Variants in ST6GAL1 observed in about 807,000 individuals in gnomAD.
The protein encoded by ST6GAL1 is ST6 beta-galactoside alpha-2,6-sialyltransferase 1, also known as beta-galactoside alpha-2,6-sialyltransferase 1.
Under a neutral mutation model 38.0 loss-of-function variants are expected in ST6GAL1, and 20 were observed. The observed-to-expected ratio is 0.53, with a 90% CI of 0.37 to 0.77. The LOEUF is 0.77. Ranked by LOEUF, ST6GAL1 falls within the 30% of genes least tolerant of loss-of-function variation. ST6GAL1 has a pLI of 0.00. For missense variants in ST6GAL1, 432 were observed against 496.4 expected, an observed-to-expected ratio of 0.87 and a Z score of 1.23; for synonymous variants, 196 against 188.2, an observed-to-expected ratio of 1.04 and a Z score of -0.34.
At chr3:187,067,633 C>G (rs144126801) in intron 5 of ST6GAL1, among the ~76,000 whole-genome samples, 1 of 152,210 alleles carries the variant, frequency 6.6e-6, no homozygotes, top group East Asian at 1.9e-4. Context: ...TCTCAAGTAG[C>G]TCAAGTGAAT....
intron 2 of ST6GAL1, among the ~76,000 whole-genome samples, chr3:187,029,316 T>C (rs947511908): frequency 6.6e-6 from 1 of 151,954 alleles, no homozygotes; most frequent in Admixed American, 6.6e-5. Context: ...AACAAAGGGG[T>C]GAGGTTTTCT....
intron 2 of ST6GAL1, among the ~76,000 whole-genome samples, chr3:187,017,995 T>C (rs1054013785): frequency 2.0e-5 from 3 of 152,176 alleles, no homozygotes; most frequent in African/African-American, 7.2e-5. Context: ...TGGTTCTCCT[T>C]TGCAACTTAG....
chr3:186,974,623 CAGG>C (rs1005447962), intron 2 of ST6GAL1, among the ~76,000 whole-genome samples: 13 of 151,634 alleles, frequency 8.6e-5, no homozygotes, highest in African/African-American at 2.7e-4. Flanking sequence ...ATGCAAAAGA[CAGG>C]AGAATTATTT....
At chr3:187,027,681 C>T (rs779164182) in intron 2 of ST6GAL1, among the ~76,000 whole-genome samples, 1 of 152,088 alleles carries the variant, frequency 6.6e-6, no homozygotes, top group Non-Finnish European at 1.5e-5. Context: ...ACCGACTTTC[C>T]GGACTCAGTG....
At chr3:187,010,843 C>T (rs1716931769) in intron 2 of ST6GAL1, among the ~76,000 whole-genome samples, 1 of 152,240 alleles carries the variant, frequency 6.6e-6, no homozygotes, top group African/African-American at 2.4e-5. Flanking sequence ...GAACTGTTTA[C>T]TTTCCTGTAA....
At chr3:186,950,232 C>T (rs1714531270) in intron 1 of ST6GAL1, among the ~76,000 whole-genome samples, 1 of 152,196 alleles carries the variant, frequency 6.6e-6, no homozygotes, top group Non-Finnish European at 1.5e-5. Context: ...GCATTGGATC[C>T]ACTCATAAGG....
intron 5 of ST6GAL1, among the ~76,000 whole-genome samples, chr3:187,053,356 G>C (rs1474878035): frequency 8.5e-5 from 13 of 152,048 alleles, no homozygotes; most frequent in Non-Finnish European, 1.9e-4. Context: ...TGGTGTTTTA[G>C]TCATGAAGTC....
chr3:186,934,912 GC>G (rs1713891909), intron 1 of ST6GAL1, among the ~76,000 whole-genome samples: 1 of 151,894 alleles, frequency 6.6e-6, no homozygotes, highest in African/African-American at 2.4e-5. Context: ...GACTACAGGT[GC>G]CCGCCACCAC....
At chr3:187,048,402 A>C (rs1332445277) in intron 4 of ST6GAL1, among the ~76,000 whole-genome samples, 1 of 152,032 alleles carries the variant, frequency 6.6e-6, no homozygotes, top group Admixed American at 6.6e-5. Context: ...TGGTCCTGAC[A>C]CTTGCTGCAT....
intron 2 of ST6GAL1, among the ~76,000 whole-genome samples, chr3:186,999,164 G>A (rs1349037548): frequency 6.6e-6 from 1 of 152,192 alleles, no homozygotes; most frequent in Non-Finnish European, 1.5e-5. Context: ...AAATGCATAT[G>A]CGAAAGTTAA....
rs1372675761 is a variant in ST6GAL1 at position 187,041,102 on chromosome 3, T to G, written c.-50-1552T>G. ...CTGTCTCTGTTCAGAATACCTTCTG[T>G]GCCTTTTTGCTTATCTAGTTCAAAT... On this transcript the variant is annotated intron_variant, in intron 3 of 7. Coordinates refer to ENST00000169298, the MANE Select transcript of ST6GAL1 (RefSeq NM_173216.2). 2.6e-5 allele frequency among the ~76,000 whole-genome samples: 4 copies of G among 152,326 alleles called. No individual in the cohort carries two copies. The South Asian group carries it at 8.3e-4, about 32-fold the overall frequency.
intron 2 of ST6GAL1, among the ~76,000 whole-genome samples, chr3:186,973,189 T>C (rs1416459254): frequency 6.6e-6 from 1 of 152,084 alleles, no homozygotes; most frequent in Non-Finnish European, 1.5e-5. Context: ...GCGCCCGCCA[T>C]CATGCCCAGC....
In ST6GAL1 at chr3:187,043,322, GGTT is replaced by G. The variant is rs774386258; in HGVS notation, c.607+16_607+18del. On this transcript the variant is annotated intron_variant, in intron 4 of 7. Coordinates refer to ENST00000169298, the MANE Select transcript of ST6GAL1 (RefSeq NM_173216.2). ...AGGCAGAGAAATCGGTATGTTCTGG[GGTT>G]GTTCTGTGAATGGCAGTGCTTATTG... The G allele has an allele frequency of 3.7e-6, 6 of 1,606,164 alleles. No homozygotes were observed. Among genetic ancestry groups the G allele is most frequent in the South Asian group, 1.1e-5 (1 of 90,248 alleles).
chr3:187,063,131 A>G (rs922685256), intron 5 of ST6GAL1, among the ~76,000 whole-genome samples: 2 of 152,252 alleles, frequency 1.3e-5, no homozygotes, highest in Non-Finnish European at 2.9e-5. Flanking sequence ...TTTCTTTTAA[A>G]TCAACAGGGA....
intron 2 of ST6GAL1, among the ~76,000 whole-genome samples, chr3:187,012,160 A>C (rs1200125976): frequency 1.3e-5 from 2 of 152,242 alleles, no homozygotes; most frequent in Non-Finnish European, 2.9e-5. Flanking sequence ...GAGAGCAGCC[A>C]AAACAGAAAC....
At chr3:186,967,360 T>G (rs1342920419) in intron 2 of ST6GAL1, among the ~76,000 whole-genome samples, 1 of 152,126 alleles carries the variant, frequency 6.6e-6, no homozygotes, top group Non-Finnish European at 1.5e-5. Flanking sequence ...CCCAGCTAAT[T>G]TTTGTATTTT....
chr3:187,064,411 G>A, intron 5 of ST6GAL1: 1 of 423,396 alleles, frequency 2.4e-6, no homozygotes, highest in South Asian at 1.7e-5. Flanking sequence ...AATTCACAAA[G>A]GGTTGCGAAA....
chr3:186,944,986 G>T (rs1470348903), intron 1 of ST6GAL1, among the ~76,000 whole-genome samples: 1 of 152,210 alleles, frequency 6.6e-6, no homozygotes, highest in Non-Finnish European at 1.5e-5. Context: ...ACTAGTATCT[G>T]CTTTAAGGGA....
intron 2 of ST6GAL1, among the ~76,000 whole-genome samples, chr3:187,032,668 A>G (rs965654047): frequency 1.3e-5 from 2 of 152,218 alleles, no homozygotes; most frequent in African/African-American, 2.4e-5. Context: ...CACTCATGCC[A>G]CAAGGGAAAT....
Sources: gnomAD v4.1 joint callset for allele counts (sites outside exome capture counted in the v4.1 genomes callset) on GRCh38, gnomAD v4.1.1 for gene constraint, MANE v1.5 for transcripts, NCBI Gene and HGNC (gene_info 2026-07-23, HGNC 2026-07-21) for gene names.